The following MIPOL1 variants were observed in gnomAD, a reference collection of about 807,000 sequenced individuals.
MIPOL1 encodes the protein mirror-image polydactyly 1.
MIPOL1 carries 57 observed loss-of-function variants against 60.9 expected under a neutral mutation model. That is an observed-to-expected ratio of 0.94 (90% CI 0.76 to 1.17). The LOEUF is 1.17. MIPOL1 is among the 50% of genes most tolerant of loss of function. The probability of loss-of-function intolerance (pLI) is 0.00; values close to 1 mark genes in which losing one functional copy is unlikely to be tolerated. For missense variants in MIPOL1, 551 were observed against 511.6 expected, an observed-to-expected ratio of 1.08 and a Z score of -0.74; for synonymous variants, 179 against 168.8, an observed-to-expected ratio of 1.06 and a Z score of -0.47.
At chr14:37,396,304 C>T (rs1303827566) in intron 10 of MIPOL1, among the ~76,000 whole-genome samples, 1 of 152,130 alleles carries the variant, frequency 6.6e-6, no homozygotes, top group African/African-American at 2.4e-5. Flanking sequence ...GATAGGGTCC[C>T]AGTCCCTTCT....
intron 9 of MIPOL1, among the ~76,000 whole-genome samples, chr14:37,320,337 A>AT (rs757528975): frequency 2.9e-4 from 44 of 152,206 alleles, no homozygotes; most frequent in Non-Finnish European, 4.4e-4. Flanking sequence ...AATATCAATC[A>AT]TTCTGATGGG....
chr14:37,439,989 C>T lies in MIPOL1; in HGVS notation c.1031+17040C>T, dbSNP rs140967835. 2.6e-3 allele frequency among the ~76,000 whole-genome samples: 395 copies of T among 152,214 alleles called. 5 individuals carry two copies. Among genetic ancestry groups the T allele is most frequent in the African/African-American group, 9.3e-3 (386 of 41,544 alleles). ...CTGAATAGCTGGGACTACAAGCTCA[C>T]GCCACCATGCCTGGCTAATTTGTTG... On this transcript the variant is annotated intron_variant, in intron 11 of 12. Transcript: ENST00000684589.
At chr14:37,305,623 C>T (rs550954117) in intron 7 of MIPOL1, among the ~76,000 whole-genome samples, 16 of 151,572 alleles carry the variant, frequency 1.1e-4, no homozygotes, top group Admixed American at 8.6e-4. Context: ...CTGTGATATC[C>T]GTGATATTTC....
chr14:37,416,672 T>A (rs1327427232), intron 10 of MIPOL1, among the ~76,000 whole-genome samples: 1 of 152,152 alleles, frequency 6.6e-6, no homozygotes, highest in East Asian at 1.9e-4. Context: ...GAAGGAAAAT[T>A]ACATGATCTA....
At chr14:37,480,132 T>C (rs987423053) in intron 11 of MIPOL1, among the ~76,000 whole-genome samples, 5 of 152,222 alleles carry the variant, frequency 3.3e-5, no homozygotes, top group South Asian at 2.1e-4. Flanking sequence ...AATCCTTCTC[T>C]AATCCTTCTA....
intron 9 of MIPOL1, among the ~76,000 whole-genome samples, chr14:37,351,509 G>A (rs928868364): frequency 6.6e-6 from 1 of 151,580 alleles, no homozygotes; most frequent in Non-Finnish European, 1.5e-5. Context: ...GGTTGAACTA[G>A]TTTACAGTCC....
At chr14:37,362,468 G>A (rs997985443) in intron 9 of MIPOL1, among the ~76,000 whole-genome samples, 8 of 152,188 alleles carry the variant, frequency 5.3e-5, no homozygotes, top group African/African-American at 1.2e-4. Context: ...GGTTTCTGCC[G>A]ATAGATGCAC....
intron 11 of MIPOL1, among the ~76,000 whole-genome samples, chr14:37,499,582 G>T (rs2095184880): frequency 6.6e-6 from 1 of 151,928 alleles, no homozygotes; most frequent in Non-Finnish European, 1.5e-5. Flanking sequence ...TCTTTTATTT[G>T]CCTAGAGATA....
intron 9 of MIPOL1, among the ~76,000 whole-genome samples, chr14:37,318,053 C>T (rs2088118874): frequency 6.6e-6 from 1 of 152,194 alleles, no homozygotes; most frequent in African/African-American, 2.4e-5. Context: ...ATGAATTCCT[C>T]ATTTGGCGTC....
At position 37,522,432 on chromosome 14, in the gene MIPOL1, A is replaced by G. The variant is rs542610860; in HGVS notation, c.1262+22294A>G. Among the ~76,000 whole-genome samples the G allele has an allele frequency of 1.7e-4, 26 of 152,308 alleles. No individual in the cohort carries two copies. The South Asian group carries it at 5.4e-3, about 32-fold the overall frequency. Reference sequence around the variant, plus strand: ...ATTTGTTTGTGTTAGTGGACTTACTAAATATTAGTCTTTGCTAGTCTAGTT... The same window carrying G: ...ATTTGTTTGTGTTAGTGGACTTACTGAATATTAGTCTTTGCTAGTCTAGTT... On this transcript the variant is annotated intron_variant, in intron 12 of 12. Coordinates refer to ENST00000684589, the MANE Select transcript of MIPOL1 (RefSeq NM_001388067.1).
chr14:37,302,833 G>T (rs1181802914), intron 7 of MIPOL1, among the ~76,000 whole-genome samples: 1 of 151,654 alleles, frequency 6.6e-6, no homozygotes, highest in Non-Finnish European at 1.5e-5. Context: ...AATCTTGATA[G>T]TGAGTCTTGA....
chr14:37,353,823 A>G (rs952543901), intron 9 of MIPOL1, among the ~76,000 whole-genome samples: 37 of 151,924 alleles, frequency 2.4e-4, no homozygotes, highest in Non-Finnish European at 4.9e-4. Context: ...CTTGCTAGCG[A>G]TCTATCAATT....
At chr14:37,235,689 A>G (rs890931952) in intron 1 of MIPOL1, among the ~76,000 whole-genome samples, 21 of 152,246 alleles carry the variant, frequency 1.4e-4, no homozygotes, top group Admixed American at 3.9e-4. Flanking sequence ...AGTAACTTCC[A>G]GAACTTTTCA....
intron 11 of MIPOL1, among the ~76,000 whole-genome samples, chr14:37,471,819 C>G (rs2085989075): frequency 6.6e-6 from 1 of 152,150 alleles, no homozygotes; most frequent in Non-Finnish European, 1.5e-5. Context: ...TTAATACCTA[C>G]TTTTATCTTT....
At chr14:37,234,376 A>G (rs1971104027) in intron 1 of MIPOL1, among the ~76,000 whole-genome samples, 1 of 118,760 alleles carries the variant, frequency 8.4e-6, no homozygotes, top group Non-Finnish European at 1.6e-5. Context: ...TTTTTTTTTC[A>G]GGTGGGATCT....
At chr14:37,309,026 G>A (rs1441116548) in intron 9 of MIPOL1, among the ~76,000 whole-genome samples, 2 of 152,040 alleles carry the variant, frequency 1.3e-5, no homozygotes, top group Admixed American at 1.3e-4. Flanking sequence ...TGCTTCCAGT[G>A]CAGTCCTTTC....
At chr14:37,341,906 GTTAT>G (rs2090600489) in intron 9 of MIPOL1, among the ~76,000 whole-genome samples, 1 of 152,172 alleles carries the variant, frequency 6.6e-6, no homozygotes, top group African/African-American at 2.4e-5. Context: ...CTTTAGAGGA[GTTAT>G]TTATTATTCT....
chr14:37,499,237 C>T (rs2095178370), intron 11 of MIPOL1, among the ~76,000 whole-genome samples: 1 of 151,996 alleles, frequency 6.6e-6, no homozygotes, highest in African/African-American at 2.4e-5. Flanking sequence ...TTCTATTTGT[C>T]TGCATTTTCT....
At chr14:37,414,700 G>T (rs1164237594) in intron 10 of MIPOL1, among the ~76,000 whole-genome samples, 3 of 151,988 alleles carry the variant, frequency 2.0e-5, no homozygotes, top group African/African-American at 7.3e-5. Flanking sequence ...TTACTATTTG[G>T]TGTTTTGAAA....
Sources: gnomAD v4.1 joint callset for allele counts (sites outside exome capture counted in the v4.1 genomes callset) on GRCh38, gnomAD v4.1.1 for gene constraint, MANE v1.5 for transcripts, NCBI Gene and HGNC (gene_info 2026-07-23, HGNC 2026-07-21) for gene names.